Variants in LAMC1 observed in about 807,000 individuals in gnomAD.
LAMC1 encodes the protein laminin subunit gamma 1, also known as laminin subunit gamma-1.
A neutral mutation model predicts 173.6 loss-of-function variants in LAMC1; 38 were observed. The observed-to-expected ratio is 0.22, with a 90% CI of 0.17 to 0.29. The LOEUF (loss-of-function observed/expected upper bound fraction) is 0.29, where lower values mean the gene tolerates loss of function less well. Among genes scored for constraint, LAMC1 ranks in the 10% least tolerant of loss-of-function variants. The pLI is 1.00. For missense variants in LAMC1, 1,824 were observed against 2,051.8 expected (o/e 0.89, Z 2.14); for synonymous variants, 746 against 749.1 (o/e 1.00, Z 0.07).
At chr1:183,047,497 A>G (rs1215302985) in intron 1 of LAMC1, among the ~76,000 whole-genome samples, 1 of 152,182 alleles carries the variant, frequency 6.6e-6, no homozygotes, top group Non-Finnish European at 1.5e-5. Flanking sequence ...AACCTTATTT[A>G]TCATCTGAGA....
chr1:183,129,082 C>CTTTTT (rs201079710), intron 18 of LAMC1, among the ~76,000 whole-genome samples: 10 of 110,018 alleles, frequency 9.1e-5, no homozygotes, highest in African/African-American at 2.1e-4. Context: ...TCTTCATAAG[C>CTTTTT]TTTTTTTTTT....
chr1:183,079,232 G>GTTTTTTTTTTTTTTTTTTTT (rs796732672), intron 1 of LAMC1, among the ~76,000 whole-genome samples: 1 of 62,840 alleles, frequency 1.6e-5, no homozygotes, highest in Non-Finnish European at 3.0e-5. Context: ...CTCTAATCTG[G>GTTTTTTTTTTTTTTTTTTTT]TTTTTTTTTT....
Position 183,128,587 on chromosome 1 carries a change from T to C in LAMC1, c.3124-7T>C, listed in dbSNP as rs368263440. 3.9e-5 allele frequency: 62 copies of C among 1,602,478 alleles called. No homozygotes were observed. Among genetic ancestry groups the C allele is most frequent in the Admixed American group, 3.3e-5 (2 of 59,794 alleles). On this transcript the variant is annotated splice_polypyrimidine_tract_variant and splice_region_variant and intron_variant, in intron 17 of 27. Transcript: ENST00000258341. ...ACCTTTCCCTTTTCTTTCTTCTTTA[T>C]GTTTAGGTTGCTGATCATAGAGTGA...
intron 1 of LAMC1, among the ~76,000 whole-genome samples, chr1:183,068,745 A>T (rs539797574): frequency 5.8e-4 from 88 of 152,270 alleles, no homozygotes; most frequent in South Asian, 1.7e-3. Context: ...GATTGAGACC[A>T]TCCTGGCTAA....
intron 1 of LAMC1, among the ~76,000 whole-genome samples, chr1:183,049,761 G>A (rs1050416645): frequency 7.9e-5 from 12 of 151,798 alleles, no homozygotes; most frequent in Non-Finnish European, 1.8e-4. Flanking sequence ...ACCATGCCAA[G>A]CCAAAAGTGT....
In LAMC1 at chr1:183,023,466, G is replaced by T; in HGVS notation, c.-251G>T. On this transcript the variant is annotated 5_prime_UTR_variant, in exon 1 of 28. Coordinates refer to ENST00000258341, the MANE Select transcript of LAMC1 (RefSeq NM_002293.4). ...AGTCGGGGGTCGGCGCGGAGTGCAGGCTGCTCCCGGGGTAGGTGAGGGAAG... is the reference window on the plus strand; with the variant it reads ...AGTCGGGGGTCGGCGCGGAGTGCAGTCTGCTCCCGGGGTAGGTGAGGGAAG... The T allele has an allele frequency of 4.9e-6, 1 of 204,250 alleles. No individual in the cohort carries two copies. Among genetic ancestry groups the T allele is most frequent in the Non-Finnish European group, 9.7e-6 (1 of 103,254 alleles). The allele number at this position is 204,250 out of a possible 1,614,324, so 12.7% of individuals were successfully genotyped here.
intron 1 of LAMC1, among the ~76,000 whole-genome samples, chr1:183,062,511 G>A (rs572803904): frequency 5.3e-5 from 8 of 152,272 alleles, no homozygotes; most frequent in Middle Eastern, 3.4e-3. Context: ...AATTATCTGG[G>A]CGTGGTGGGG....
intron 1 of LAMC1, among the ~76,000 whole-genome samples, chr1:183,055,460 A>G (rs1326509637): frequency 6.7e-6 from 1 of 148,340 alleles, no homozygotes; most frequent in Non-Finnish European, 1.5e-5. Context: ...GGGTAAAAAT[A>G]TACCCTATTG....
chr1:183,107,333 G>A (rs1166899883), intron 2 of LAMC1, among the ~76,000 whole-genome samples: 1 of 152,158 alleles, frequency 6.6e-6, no homozygotes, highest in Non-Finnish European at 1.5e-5. Context: ...GGGAAATAGG[G>A]AGTTGGGTAG....
chr1:183,119,282 T>C (rs547866405), intron 11 of LAMC1, among the ~76,000 whole-genome samples: 3 of 152,234 alleles, frequency 2.0e-5, no homozygotes, highest in East Asian at 3.9e-4. Context: ...GAGTTAGTGA[T>C]GATGTGGTAT....
At chr1:183,142,428 G>A in intron 27 of LAMC1, 106 bp from the exon 28 acceptor site, 1 of 1,193,846 alleles carries the variant, frequency 8.4e-7, no homozygotes, top group Non-Finnish European at 1.2e-6. Context: ...CGGGCTGCCT[G>A]TGCAGAATGG....
intron 1 of LAMC1, among the ~76,000 whole-genome samples, chr1:183,096,795 AGG>A (rs1374738725): frequency 1.5e-5 from 2 of 131,062 alleles, no homozygotes; most frequent in African/African-American, 5.0e-5. Context: ...GGCCATGAAA[AGG>A]GAGTACAGAA....
intron 2 of LAMC1, among the ~76,000 whole-genome samples, chr1:183,105,247 G>GA (rs1491011850): frequency 1.8e-5 from 2 of 108,616 alleles, no homozygotes; most frequent in Non-Finnish European, 3.5e-5. Flanking sequence ...AAAAAAAAAA[G>GA]AAAGAAAGAA....
At chr1:183,103,675 C>T (rs1655894743) in intron 2 of LAMC1, 43 bp downstream of exon 2, 2 of 1,494,890 alleles carry the variant, frequency 1.3e-6, no homozygotes, top group Non-Finnish European at 1.8e-6. Context: ...AGTTCTACAA[C>T]ATGCGAGGTG....
chr1:183,127,310 A>G lies in LAMC1; in HGVS notation c.3029A>G (p.Asn1010Ser), dbSNP rs768414521. ...RCECREGFVG[N>S]RCDQCEENYF... The stretch of plus-strand genomic sequence containing the variant: ...GAATGCAGAGAAGGCTTTGTGGGAA[A>G]TCGCTGTGACCAGTGTGAAGAAAAC... The change falls in exon 17 of 28, where the codon AAT (asparagine) becomes AGT (serine). Residue 1010 changes from asparagine (N) to serine (S), a missense_variant. Coordinates refer to ENST00000258341, the MANE Select transcript of LAMC1 (RefSeq NM_002293.4). 2 of 1,614,212 alleles carry G rather than the reference A, an allele frequency of 1.2e-6. No individual in the cohort carries two copies. The highest frequency in any genetic ancestry group is 1.1e-5 in the South Asian group (1 of 91,080).
At position 183,132,519 on chromosome 1, in the gene LAMC1, T is replaced by A. The variant is rs775856548; in HGVS notation, c.3686T>A (p.Ile1229Asn). The A allele has an allele frequency of 6.2e-7, 1 of 1,613,874 alleles. No homozygotes were observed. The highest frequency in any genetic ancestry group is 2.2e-5 in the East Asian group (1 of 44,870). Reference protein sequence around the residue: ...LAGENQTAFEIEELNRKYEQA... With the variant: ...LAGENQTAFENEELNRKYEQA... ...GGAGAAAATCAAACAGCATTTGAGA[T>A]TGAAGAGCTTAATAGGAAGTGAGTA... The change falls in exon 21 of 28, where the codon ATT (isoleucine) becomes AAT (asparagine). Residue 1229 changes from isoleucine to asparagine, a missense_variant. Transcript: ENST00000258341.
At chr1:183,054,315 C>T (rs1057349488) in intron 1 of LAMC1, among the ~76,000 whole-genome samples, 11 of 152,198 alleles carry the variant, frequency 7.2e-5, no homozygotes, top group African/African-American at 2.4e-4. Flanking sequence ...AGAAGCCACA[C>T]AGCTATTTGT....
chr1:183,140,631 T>C (rs1657088295), intron 27 of LAMC1, 128 bp downstream of exon 27: 2 of 427,394 alleles, frequency 4.7e-6, no homozygotes, highest in Non-Finnish European at 8.1e-6. Flanking sequence ...AGTCATTAAT[T>C]AAATTATTAA....
At chr1:183,117,128 GTAA>G in intron 8 of LAMC1, 189 bp from the exon 9 acceptor site, 2 of 676,024 alleles carry the variant, frequency 3.0e-6, no homozygotes, top group Non-Finnish European at 4.8e-6. Context: ...TATATAAATA[GTAA>G]TAAAGTAAAA....
Sources: gnomAD v4.1 joint callset for allele counts (sites outside exome capture counted in the v4.1 genomes callset) on GRCh38, gnomAD v4.1.1 for gene constraint, MANE v1.5 for transcripts, NCBI Gene and HGNC (gene_info 2026-07-23, HGNC 2026-07-21) for gene names.